The following SNAI3 variants were observed in gnomAD, a reference collection of about 807,000 sequenced individuals.
SNAI3 encodes snail family transcriptional repressor 3.
SNAI3 carries 21 observed loss-of-function variants against 16.4 expected under a neutral mutation model. The ratio of observed to expected loss-of-function variants is 1.28; its 90% CI spans 0.91 to 1.85. SNAI3 has a LOEUF of 1.85. Among genes scored for constraint, SNAI3 ranks in the 40% most tolerant of loss-of-function variants. The pLI is 0.00. For synonymous variants in SNAI3, 202 were observed against 166.6 expected (o/e 1.21, Z -1.64); for missense variants, 457 against 372.8 (o/e 1.23, Z -1.86).
chr16:88,682,761 G>GTTTTTTTTTTT (rs1567627587), intron 1 of SNAI3, among the ~76,000 whole-genome samples: 2 of 81,862 alleles, frequency 2.4e-5, no homozygotes, highest in African/African-American at 4.1e-5. Flanking sequence ...ATGGGCAAGG[G>GTTTTTTTTTTT]ATTTTTTTTT....
At chr16:88,682,895 C>T (rs1197480091) in intron 1 of SNAI3, among the ~76,000 whole-genome samples, 2 of 149,910 alleles carry the variant, frequency 1.3e-5, no homozygotes, top group African/African-American at 4.9e-5. Context: ...CTGCCTCAGC[C>T]TCCTGCGTAG....
At chr16:88,685,625 G>A (rs1206164481) in intron 1 of SNAI3, 1 of 152,338 alleles carries the variant, frequency 6.6e-6, no homozygotes, top group Non-Finnish European at 1.5e-5. Flanking sequence ...AGCAGGCAGT[G>A]GGAATGAACG....
Position 88,678,088 on chromosome 16 carries a change from C to G in SNAI3, c.*360G>C. The G allele has an allele frequency of 4.5e-6, 1 of 224,504 alleles. No homozygotes were observed. The highest frequency in any genetic ancestry group is 8.8e-6 in the Non-Finnish European group (1 of 113,358). 13.9% of individuals were successfully genotyped at this position (224,504 alleles called of 1,614,324 possible). On this transcript the variant is annotated 3_prime_UTR_variant, in exon 3 of 3. Transcript: ENST00000332281. Reference sequence around the variant, plus strand: ...GGAACTAGGCAGCCTTGCCAGCCATCCGGCGGCAGTGCCGGCCCATGCTGG... The same window carrying G: ...GGAACTAGGCAGCCTTGCCAGCCATGCGGCGGCAGTGCCGGCCCATGCTGG...
At chr16:88,679,834 C>G (rs1469665246) in intron 2 of SNAI3, among the ~76,000 whole-genome samples, 1 of 150,532 alleles carries the variant, frequency 6.6e-6, no homozygotes, top group African/African-American at 2.4e-5. Context: ...AATCCCAGCA[C>G]TTTGGGAGGC....
intron 1 of SNAI3, chr16:88,685,162 C>G (rs529995995): frequency 6.6e-6 from 1 of 152,376 alleles, no homozygotes; most frequent in South Asian, 2.1e-4. Context: ...ACATGCGCAT[C>G]CACATACACA....
chr16:88,684,222 T>A (rs1181889021), intron 1 of SNAI3, among the ~76,000 whole-genome samples: 3 of 152,214 alleles, frequency 2.0e-5, no homozygotes, highest in Admixed American at 1.3e-4. Context: ...TTTCCCGGCT[T>A]TGCTGGGGCC....
intron 1 of SNAI3, among the ~76,000 whole-genome samples, chr16:88,683,117 GCT>G (rs1343162405): frequency 1.8e-5 from 2 of 111,830 alleles, no homozygotes; most frequent in Non-Finnish European, 1.7e-5. Flanking sequence ...ACAGAGTCTT[GCT>G]CTGTCTCCCA....
In SNAI3 at chr16:88,678,286, C is replaced by CT. The variant is rs1909039575; in HGVS notation, c.*161_*162insA. On this transcript the variant is annotated 3_prime_UTR_variant, in exon 3 of 3. Coordinates refer to ENST00000332281, the MANE Select transcript of SNAI3 (RefSeq NM_178310.4). The stretch of plus-strand genomic sequence containing the variant: ...GGGAGTGTCCTCCGGCCCAGTGGCC[C>CT]CCGCTGGACTTCTTTGGTTCTGATT... 2.6e-5 allele frequency: 15 copies of CT among 577,628 alleles called. No homozygotes were observed. In the South Asian group the frequency reaches 2.9e-4, roughly 11 times the overall value. The allele number at this position is 577,628 out of a possible 1,614,324, so 35.8% of individuals were successfully genotyped here.
intron 1 of SNAI3, among the ~76,000 whole-genome samples, chr16:88,682,483 T>C (rs1428414610): frequency 6.6e-6 from 1 of 152,208 alleles, no homozygotes; most frequent in East Asian, 1.9e-4. Context: ...AACAGGTTAG[T>C]CTGCAGGTAA....
At chr16:88,684,525 T>C (rs1389303080) in intron 1 of SNAI3, among the ~76,000 whole-genome samples, 1 of 152,190 alleles carries the variant, frequency 6.6e-6, no homozygotes, top group African/African-American at 2.4e-5. Flanking sequence ...AGACAGAGTC[T>C]CGCTCTGTCG....
chr16:88,679,406 T>G (rs573605884), intron 2 of SNAI3, among the ~76,000 whole-genome samples: 22 of 152,270 alleles, frequency 1.4e-4, no homozygotes, highest in Non-Finnish European at 2.6e-4. Context: ...CAGGTGTGAC[T>G]CAGAGGGTCC....
chr16:88,678,902 G>A, intron 2 of SNAI3: 1 of 985,410 alleles, frequency 1.0e-6, no homozygotes, highest in Non-Finnish European at 1.2e-6. Flanking sequence ...GAGAAGCACT[G>A]GGGGCCTCTG....
intron 1 of SNAI3, chr16:88,685,236 T>C (rs1909317487): frequency 6.6e-6 from 1 of 152,256 alleles, no homozygotes; most frequent in Non-Finnish European, 1.5e-5. Context: ...CTATTTTATT[T>C]TACAAAATTG....
intron 1 of SNAI3, among the ~76,000 whole-genome samples, chr16:88,682,372 C>T (rs903897730): frequency 2.0e-5 from 3 of 152,236 alleles, no homozygotes; most frequent in Non-Finnish European, 4.4e-5. Context: ...TTCAGAATTA[C>T]CCCGGCTGGG....
At chr16:88,683,279 G>A (rs2142947491) in intron 1 of SNAI3, among the ~76,000 whole-genome samples, 1 of 150,208 alleles carries the variant, frequency 6.7e-6, no homozygotes, top group East Asian at 2.0e-4. Flanking sequence ...TCCCCCAGAT[G>A]GAGTCTCGCT....
chr16:88,683,084 C>CTTTTT (rs35518035), intron 1 of SNAI3, among the ~76,000 whole-genome samples: 3 of 98,880 alleles, frequency 3.0e-5, no homozygotes, highest in East Asian at 3.2e-4. Context: ...GCCCCCCACC[C>CTTTTT]TTTTTTTTTT....
intron 2 of SNAI3, among the ~76,000 whole-genome samples, chr16:88,680,181 C>T (rs1909117098): frequency 6.6e-6 from 1 of 151,492 alleles, no homozygotes; most frequent in Non-Finnish European, 1.5e-5. Context: ...TTATTCTTTG[C>T]ACGCTGAGGT....
intron 2 of SNAI3, among the ~76,000 whole-genome samples, chr16:88,680,604 G>T (rs893671683): frequency 3.3e-5 from 5 of 149,502 alleles, no homozygotes; most frequent in South Asian, 2.2e-4. Context: ...GTTTTGTTTT[G>T]TTTTTTTGTT....
At chr16:88,683,015 G>A (rs1909231255) in intron 1 of SNAI3, among the ~76,000 whole-genome samples, 2 of 150,550 alleles carry the variant, frequency 1.3e-5, no homozygotes, top group Admixed American at 1.3e-4. Context: ...CTGACCTCGT[G>A]ATCCACCCTC....
Sources: allele counts gnomAD v4.1 joint callset (sites outside exome capture counted in the v4.1 genomes callset), GRCh38; gene constraint gnomAD v4.1.1; transcripts MANE v1.5; gene names NCBI Gene and HGNC (gene_info 2026-07-23, HGNC 2026-07-21).